The following SRCIN1 variants were observed in gnomAD, a reference collection of about 807,000 sequenced individuals.
SRCIN1 encodes P130Cas-associated protein.
SRCIN1 carries 50 observed loss-of-function variants against 116.2 expected under a neutral mutation model. The observed-to-expected ratio is 0.43, with a 90% confidence interval of 0.34 to 0.54. The LOEUF is 0.54. Among genes scored for constraint, SRCIN1 ranks in the 20% least tolerant of loss-of-function variants. SRCIN1 has a pLI of 0.02. For missense variants in SRCIN1, 1,446 were observed against 1,672.0 expected, an observed-to-expected ratio of 0.86 and a Z score of 2.36; for synonymous variants, 736 against 750.0, an observed-to-expected ratio of 0.98 and a Z score of 0.30.
In SRCIN1 at chr17:38,561,948, C is replaced by T; in HGVS notation, c.1215G>A (p.Glu405=). Residue 405 remains glutamate (E), a synonymous_variant, in exon 7 of 19, where the codon GAG becomes GAA. Transcript: ENST00000617146. ...LYADPYGLLH[E]GRLSLAAAAG... is the part of the protein sequence containing the mutation. ...CGGCCGCGGCCAGGCTCAGACGGCCCTCGTGCAGCAGCCCGTAGGGGTCAG... is the reference window on the plus strand; with the variant it reads ...CGGCCGCGGCCAGGCTCAGACGGCCTTCGTGCAGCAGCCCGTAGGGGTCAG... 1 of 1,466,008 alleles carries T rather than the reference C, an allele frequency of 6.8e-7. No homozygotes were observed. Among genetic ancestry groups the T allele is most frequent in the Non-Finnish European group, 8.9e-7 (1 of 1,120,904 alleles). The allele number at this position is 1,466,008 out of a possible 1,614,324, so 90.8% of individuals were successfully genotyped here.
intron 1 of SRCIN1, among the ~76,000 whole-genome samples, chr17:38,588,756 G>T (rs746613971): frequency 6.6e-6 from 1 of 152,156 alleles, no homozygotes; most frequent in Non-Finnish European, 1.5e-5. Context: ...AGTGGTGGAA[G>T]CCCCACCCAC....
chr17:38,550,265 T>C (rs887841860), intron 15 of SRCIN1, among the ~76,000 whole-genome samples: 13 of 152,200 alleles, frequency 8.5e-5, no homozygotes, highest in South Asian at 6.2e-4. Flanking sequence ...GAGGCCAAGG[T>C]GGGCGGATCA....
chr17:38,603,521 TGGGA>T, intron 1 of SRCIN1, among the ~76,000 whole-genome samples: 2 of 152,062 alleles, frequency 1.3e-5, no homozygotes, highest in Middle Eastern at 6.8e-3. Context: ...GCACAGACAG[TGGGA>T]GCCAGAAGGG....
intron 2 of SRCIN1, among the ~76,000 whole-genome samples, chr17:38,570,635 ATGACTGAGGCC>A (rs1460705435): frequency 6.6e-6 from 1 of 152,190 alleles, no homozygotes; most frequent in African/African-American, 2.4e-5. Flanking sequence ...CCTTGTTCGG[ATGACTGAGGCC>A]CACCTCGTGG....
intron 11 of SRCIN1, among the ~76,000 whole-genome samples, chr17:38,553,908 A>T (rs1444820983): frequency 6.6e-6 from 1 of 152,126 alleles, no homozygotes; most frequent in Non-Finnish European, 1.5e-5. Context: ...TCGTCCAAAA[A>T]ATAGGGATGG....
chr17:38,583,960 AGTG>A (rs1158156162), intron 1 of SRCIN1, among the ~76,000 whole-genome samples: 1 of 152,046 alleles, frequency 6.6e-6, no homozygotes, highest in Non-Finnish European at 1.5e-5. Context: ...AAGTCCTCGG[AGTG>A]GCCCTGACCC....
chr17:38,564,600 G>A (rs1906557688), intron 3 of SRCIN1, among the ~76,000 whole-genome samples: 1 of 152,162 alleles, frequency 6.6e-6, no homozygotes, highest in Non-Finnish European at 1.5e-5. Context: ...CATGGGCACG[G>A]CTGCTATTTC....
chr17:38,596,282 G>T (rs930026813), intron 1 of SRCIN1, among the ~76,000 whole-genome samples: 9 of 152,178 alleles, frequency 5.9e-5, no homozygotes, highest in Admixed American at 2.6e-4. Flanking sequence ...TGGGGGAGGT[G>T]AAGCAGGTAC....
rs71384244 is a variant in SRCIN1 at position 38,597,716 on chromosome 17, A to T, written c.22+7968T>A. Among the ~76,000 whole-genome samples, 1,012 of 152,248 alleles carry T rather than the reference A, an allele frequency of 6.6e-3. 11 individuals carry two copies. The highest frequency in any genetic ancestry group is 0.023 in the African/African-American group (971 of 41,538). ...TGACCCAGGAGCTAAACTGTCTCCT[A>T]TCCACTCCCACCCCTCTCTCAGTCT... On this transcript the variant is annotated intron_variant, in intron 1 of 18. Transcript: ENST00000617146.
At chr17:38,592,985 C>T (rs529772312) in intron 1 of SRCIN1, among the ~76,000 whole-genome samples, 1 of 152,282 alleles carries the variant, frequency 6.6e-6, no homozygotes, top group East Asian at 1.9e-4. Context: ...CCTCATGCAT[C>T]GCTTCCCTCA....
intron 1 of SRCIN1, among the ~76,000 whole-genome samples, chr17:38,596,204 G>A (rs1908721261): frequency 3.3e-5 from 5 of 152,250 alleles, no homozygotes; most frequent in Admixed American, 3.3e-4. Context: ...GAGCTGGAGA[G>A]AGGAGGGGGC....
At position 38,563,785 on chromosome 17, in the gene SRCIN1, G is replaced by A. The variant is rs925881920; in HGVS notation, c.542-264C>T. ...AGGAAATGGAAGTGGGGGCAGAGCA[G>A]GTGGGGCGGAAACTGAGGGGAAGTG... On this transcript the variant is annotated intron_variant, in intron 4 of 18. Transcript: ENST00000617146. The surrounding 1 kb of genome is among the most constrained non-coding windows in gnomAD (Gnocchi z 5.8). The A allele has an allele frequency of 1.5e-6, 1 of 663,572 alleles. No homozygotes were observed. The allele number at this position is 663,572 out of a possible 1,614,324, so 41.1% of individuals were successfully genotyped here.
At chr17:38,574,384 G>A (rs903743448) in intron 2 of SRCIN1, among the ~76,000 whole-genome samples, 9 of 152,172 alleles carry the variant, frequency 5.9e-5, no homozygotes, top group African/African-American at 2.2e-4. Flanking sequence ...TGATGCCCAA[G>A]TCTTCTTAAA....
chr17:38,539,708 C>T (rs1904608514), intron 18 of SRCIN1, among the ~76,000 whole-genome samples: 1 of 152,142 alleles, frequency 6.6e-6, no homozygotes, highest in African/African-American at 2.4e-5. Flanking sequence ...TTTTCTCCCT[C>T]AATCCTCTGG....
At chr17:38,559,564 G>A in intron 10 of SRCIN1, 21 bp downstream of exon 10, 1 of 1,591,992 alleles carries the variant, frequency 6.3e-7, no homozygotes, top group South Asian at 1.1e-5. Flanking sequence ...TGGTGGGGCG[G>A]GGCCCAGGAC....
At chr17:38,603,395 G>C (rs2143479637) in intron 1 of SRCIN1, among the ~76,000 whole-genome samples, 1 of 152,202 alleles carries the variant, frequency 6.6e-6, no homozygotes, top group African/African-American at 2.4e-5. Flanking sequence ...GGAAAGCCTG[G>C]GGTGGGGGTA....
rs1905527891 is a variant in SRCIN1 at position 38,552,814 on chromosome 17, G to A, written c.2243C>T (p.Ser748Phe). The part of the protein sequence containing the change: ...KSVEKIQRDV[S>F]HNHRLVPGPE... ...GCCGGGCACCAGCCGGTGGTTGTGG[G>A]ACACGTCTCTCTGGATCTTCTCCAC... is the stretch of plus-strand genomic sequence containing the variant. The change falls in exon 12 of 19, where the codon TCC (serine) becomes TTC (phenylalanine). Residue 748 changes from serine (S) to phenylalanine (F), a missense_variant. Ser to Phe is a radical substitution (Grantham distance 155). Coordinates refer to ENST00000617146, the MANE Select transcript of SRCIN1 (RefSeq NM_025248.3). This position sits in a 1 kb window ranked among gnomAD's most constrained non-coding sequence, Gnocchi z 5.3. 6.2e-7 allele frequency: 1 copy of A among 1,613,848 alleles called. No homozygotes were observed. The highest frequency in any genetic ancestry group is 1.3e-5 in the African/African-American group (1 of 74,898).
Position 38,562,100 on chromosome 17 carries a change from C to T in SRCIN1, c.1063G>A (p.Ala355Thr). ...GGGCTGACGCCCTGGGCGGCCGGGGCGCCTCCCAGCCTCTCGGCCGCGTGG... is the reference window on the plus strand; with the variant it reads ...GGGCTGACGCCCTGGGCGGCCGGGGTGCCTCCCAGCCTCTCGGCCGCGTGG... ...VHHAAERLGG[A>T]PAAQGVSPSP... is the part of the protein sequence containing the mutation. The change falls in exon 7 of 19, where the codon GCC becomes ACC. Residue 355 changes from alanine to threonine, a missense_variant. Ala to Thr is a moderately conservative substitution (Grantham distance 58, BLOSUM62 0). Transcript: ENST00000617146. This position sits in a 1 kb window ranked among gnomAD's most constrained non-coding sequence, Gnocchi z 4.2. 52 of 1,431,282 alleles carry T rather than the reference C, an allele frequency of 3.6e-5. No individual in the cohort carries two copies. The highest frequency in any genetic ancestry group is 4.7e-5 in the Non-Finnish European group (52 of 1,098,576). The allele number at this position is 1,431,282 out of a possible 1,614,324, so 88.7% of individuals were successfully genotyped here.
intron 1 of SRCIN1, among the ~76,000 whole-genome samples, chr17:38,579,901 A>T (rs985644593): frequency 2.0e-5 from 3 of 152,108 alleles, no homozygotes; most frequent in African/African-American, 7.2e-5. Context: ...TGGGCATAAA[A>T]CATAGATTTG....
Sources: gnomAD v4.1 joint callset for allele counts (sites outside exome capture counted in the v4.1 genomes callset) on GRCh38, gnomAD v4.1.1 for gene constraint, Gnocchi (gnomAD v3.1) non-coding constraint, MANE v1.5 for transcripts, NCBI Gene and HGNC (gene_info 2026-07-23, HGNC 2026-07-21) for gene names.